The following NAA15 variants were observed in gnomAD, a reference collection of about 807,000 sequenced individuals.
NAA15 encodes N-terminal acetyltransferase.
In NAA15, 34 loss-of-function variants were observed where a neutral mutation model predicts 114.0. The observed-to-expected ratio is 0.30, with a 90% CI of 0.23 to 0.40. The LOEUF is 0.40. Among genes scored for constraint, NAA15 ranks in the 10% least tolerant of loss-of-function variants. The pLI is 1.00. For missense variants in NAA15, 658 were observed against 1,004.5 expected (o/e 0.66, Z 4.66); for synonymous variants, 340 against 338.0 (o/e 1.01, Z -0.06).
At chr4:139,381,757 A>T (rs1748762308) in intron 17 of NAA15, among the ~76,000 whole-genome samples, 2 of 152,132 alleles carry the variant, frequency 1.3e-5, no homozygotes, top group African/African-American at 2.4e-5. Flanking sequence ...TTTTGCTAAG[A>T]ATCAGCCACC....
At chr4:139,344,011 C>G (rs755615139) in intron 5 of NAA15, among the ~76,000 whole-genome samples, 175 bp from the exon 6 acceptor site, 19 of 152,078 alleles carry the variant, frequency 1.2e-4, no homozygotes, top group Non-Finnish European at 2.2e-4. Context: ...CTGTTATATC[C>G]TAATATTGTC....
At chr4:139,313,187 C>G (rs551507753) in intron 1 of NAA15, among the ~76,000 whole-genome samples, 3 of 151,854 alleles carry the variant, frequency 2.0e-5, no homozygotes, top group African/African-American at 7.3e-5. Flanking sequence ...GGAAAAAAAG[C>G]CTGGCCTTGG....
rs181361374 is a variant in NAA15, at chr4:139,349,840, C to A, written c.811+259C>A. Among the ~76,000 whole-genome samples the A allele has an allele frequency of 8.9e-4, 136 of 151,996 alleles. 1 individual carries two copies. In the East Asian group the frequency reaches 0.025, roughly 28 times the overall value. ...TCTCTACTAAAATACAAAAAATTAG[C>A]CTGGCATGGTGATGTGTGCCTTGTA... On this transcript the variant is annotated intron_variant, in intron 7 of 19. Transcript: ENST00000296543.
rs1184957775 is a variant in NAA15 at position 139,388,519 on chromosome 4, T to C, written c.*435T>C. The stretch of plus-strand genomic sequence containing the variant: ...TTCTTTCACTGAGCACAAAGAGTTG[T>C]TGGGGCTTTAGCATCTGACTGATTT... On this transcript the variant is annotated 3_prime_UTR_variant, in exon 20 of 20. Coordinates refer to ENST00000296543, the MANE Select transcript of NAA15 (RefSeq NM_057175.5). 1 of 157,946 alleles carries C rather than the reference T, an allele frequency of 6.3e-6. No homozygotes were observed. The highest frequency in any genetic ancestry group is 1.9e-4 in the East Asian group (1 of 5,368). 9.8% of individuals were successfully genotyped at this position (157,946 alleles called of 1,614,324 possible).
Position 139,354,364 on chromosome 4 carries a change from A to G in NAA15, c.1087+266A>G, listed in dbSNP as rs4863650. ...CCCAGGCTGGAGTGCAGTGGTGTGAACACAGCTCACTGCAGCTTCGACCTC... is the reference window on the plus strand; with the variant it reads ...CCCAGGCTGGAGTGCAGTGGTGTGAGCACAGCTCACTGCAGCTTCGACCTC... On this transcript the variant is annotated intron_variant, in intron 10 of 19. Coordinates refer to ENST00000296543, the MANE Select transcript of NAA15 (RefSeq NM_057175.5). Among the ~76,000 whole-genome samples the G allele has an allele frequency of 0.018, 2,663 of 152,130 alleles. 189 individuals carry two copies. Among genetic ancestry groups the G allele is most frequent in the Admixed American group, 0.13 (1,967 of 15,272 alleles).
At chr4:139,318,319 A>G (rs926175519) in intron 1 of NAA15, 2 of 152,146 alleles carry the variant, frequency 1.3e-5, no homozygotes, top group African/African-American at 4.8e-5. Flanking sequence ...AAATTTAGCA[A>G]TTCCATTTCG....
intron 3 of NAA15, among the ~76,000 whole-genome samples, chr4:139,339,699 T>C (rs1281707618): frequency 6.6e-6 from 1 of 151,784 alleles, no homozygotes; most frequent in Non-Finnish European, 1.5e-5. Flanking sequence ...TGCAGTGAGC[T>C]GAGATCATGC....
At chr4:139,327,461 C>G (rs1220413048) in intron 1 of NAA15, among the ~76,000 whole-genome samples, 2 of 152,120 alleles carry the variant, frequency 1.3e-5, no homozygotes, top group African/African-American at 4.8e-5. Context: ...ACCATGTTGG[C>G]CAGGTTGGTC....
intron 1 of NAA15, among the ~76,000 whole-genome samples, chr4:139,332,397 G>A (rs1747043808): frequency 6.6e-6 from 1 of 151,764 alleles, no homozygotes; most frequent in Non-Finnish European, 1.5e-5. Context: ...CAAAAGTGCT[G>A]GGATTACAGA....
intron 14 of NAA15, among the ~76,000 whole-genome samples, chr4:139,363,024 A>G (rs1341453427): frequency 6.6e-6 from 1 of 152,182 alleles, no homozygotes; most frequent in African/African-American, 2.4e-5. Context: ...GCCTAAGGAC[A>G]GTTTAGAAAT....
At chr4:139,360,407 C>T in intron 12 of NAA15, 93 bp from the exon 13 acceptor site, 3 of 1,206,344 alleles carry the variant, frequency 2.5e-6, no homozygotes, top group Non-Finnish European at 3.3e-6. Flanking sequence ...TGAAAGAGTC[C>T]CAATCAGCTT....
chr4:139,357,078 C>T (rs1188321113), intron 10 of NAA15, among the ~76,000 whole-genome samples: 1 of 151,384 alleles, frequency 6.6e-6, no homozygotes, highest in African/African-American at 2.4e-5. Context: ...TCTCATAGTT[C>T]TAGTACAGCT....
rs542271377 is a variant in NAA15, at chr4:139,379,977, G to A, written c.2155+1123G>A. ...GGAGAATCGCTTGAACTTGCAAGGC[G>A]GAGGTTGCAGTGAGCCGAGATCACG... On this transcript the variant is annotated intron_variant, in intron 17 of 19. Transcript: ENST00000296543. Among the ~76,000 whole-genome samples the A allele has an allele frequency of 6.7e-4, 102 of 152,216 alleles. 2 individuals are homozygous for A. In the South Asian group the frequency reaches 0.017, roughly 25 times the overall value.
At position 139,359,731 on chromosome 4, in the gene NAA15, G is replaced by T. The variant is rs1237829067; in HGVS notation, c.1258-12G>T. ...ATGCTAACTGGTTTATTTTGCTTTTGTACCTTATAAGCATGCTGGAAATAT... is the reference window on the plus strand; with the variant it reads ...ATGCTAACTGGTTTATTTTGCTTTTTTACCTTATAAGCATGCTGGAAATAT... On this transcript the variant is annotated splice_polypyrimidine_tract_variant and intron_variant, in intron 11 of 19. Coordinates refer to ENST00000296543, the MANE Select transcript of NAA15 (RefSeq NM_057175.5). The T allele has an allele frequency of 6.3e-7, 1 of 1,591,268 alleles. No homozygotes were observed. Among genetic ancestry groups the T allele is most frequent in the South Asian group, 1.2e-5 (1 of 85,804 alleles).
At chr4:139,338,607 C>G (rs1314989581) in intron 3 of NAA15, among the ~76,000 whole-genome samples, 1 of 152,140 alleles carries the variant, frequency 6.6e-6, no homozygotes, top group African/African-American at 2.4e-5. Flanking sequence ...AGCACCAAGC[C>G]TGGCTAATTT....
At chr4:139,368,060 C>T (rs1244870647) in intron 14 of NAA15, among the ~76,000 whole-genome samples, 1 of 152,326 alleles carries the variant, frequency 6.6e-6, no homozygotes, top group East Asian at 1.9e-4. Context: ...TTGCAACTCC[C>T]TGGCTCCAAA....
intron 1 of NAA15, among the ~76,000 whole-genome samples, chr4:139,322,225 T>C (rs752138774): frequency 1.3e-5 from 2 of 152,180 alleles, no homozygotes; most frequent in Non-Finnish European, 2.9e-5. Flanking sequence ...GTCTTTCCTG[T>C]GCTGTTCTCA....
chr4:139,339,809 G>A (rs1169797883), intron 3 of NAA15, among the ~76,000 whole-genome samples: 1 of 152,032 alleles, frequency 6.6e-6, no homozygotes, highest in Non-Finnish European at 1.5e-5. Context: ...TACTTTGGTA[G>A]GAGAATAAAA....
intron 15 of NAA15, among the ~76,000 whole-genome samples, chr4:139,373,180 C>T (rs1748491859): frequency 6.6e-6 from 1 of 152,186 alleles, no homozygotes; most frequent in Non-Finnish European, 1.5e-5. Context: ...CCACACCTGG[C>T]TTGGGTGATT....
Sources: gnomAD v4.1 joint callset for allele counts (sites outside exome capture counted in the v4.1 genomes callset) on GRCh38, gnomAD v4.1.1 for gene constraint, MANE v1.5 for transcripts, NCBI Gene and HGNC (gene_info 2026-07-23, HGNC 2026-07-21) for gene names.